Variants in AP1S1 observed in about 807,000 individuals in gnomAD.
The protein encoded by AP1S1 is AP-1 complex subunit sigma-1A.
A neutral mutation model predicts 23.9 loss-of-function variants in AP1S1; 13 were observed. That is an observed-to-expected ratio of 0.54 (90% CI 0.35 to 0.86). The LOEUF is 0.86. Ranked by LOEUF, AP1S1 falls within the 40% of genes least tolerant of loss-of-function variation. The probability of loss-of-function intolerance (pLI) is 0.01; values close to 1 mark genes in which losing one functional copy is unlikely to be tolerated. For missense variants in AP1S1, 119 were observed against 197.6 expected (o/e 0.60, Z 2.38); for synonymous variants, 84 against 77.7 (o/e 1.08, Z -0.43).
At chr7:101,157,591 G>A (rs1584204043) in intron 3 of AP1S1, 106 bp downstream of exon 3, 8 of 853,408 alleles carry the variant, frequency 9.4e-6, no homozygotes, top group South Asian at 1.4e-5. Flanking sequence ...CAGGGGAGAG[G>A]TGAAGTTGGA....
At chr7:101,157,528 C>T (rs1797012280) in intron 3 of AP1S1, 43 bp downstream of exon 3, 1 of 1,478,236 alleles carries the variant, frequency 6.8e-7, no homozygotes, top group African/African-American at 1.4e-5. Flanking sequence ...CAGCAATCCC[C>T]TTTGGTAATC....
chr7:101,159,351 C>G (rs1489894647), intron 4 of AP1S1, 155 bp downstream of exon 4: 7 of 1,120,598 alleles, frequency 6.2e-6, no homozygotes, highest in Non-Finnish European at 8.7e-6. Flanking sequence ...CTCCAGCTTA[C>G]TCTCAAGCCC....
Position 101,160,707 on chromosome 7 carries a change from T to C in AP1S1, c.*141T>C, listed in dbSNP as rs765706604. On this transcript the variant is annotated 3_prime_UTR_variant, in exon 5 of 5. Coordinates refer to ENST00000337619, the MANE Select transcript of AP1S1 (RefSeq NM_001283.5). ...TCACCTTTCGGAGTGAGCTGTGGGC[T>C]CAGGCCCTTCAAACATTCCCTCCCT... 2.0e-6 allele frequency: 2 copies of C among 985,750 alleles called. No individual in the cohort carries two copies. The highest frequency in any genetic ancestry group is 3.1e-6 in the Non-Finnish European group (2 of 637,526). The allele number at this position is 985,750 out of a possible 1,614,324, so 61.1% of individuals were successfully genotyped here. A position where few individuals can be genotyped will look rare whatever the true frequency, so the allele number is the denominator to read the frequency against.
At chr7:101,158,269 TG>T (rs1326317202) in intron 3 of AP1S1, among the ~76,000 whole-genome samples, 1 of 152,230 alleles carries the variant, frequency 6.6e-6, no homozygotes, top group African/African-American at 2.4e-5. Context: ...TGTTATAAAG[TG>T]CTTTTGCGTC....
rs1425769028 is a variant in AP1S1 at position 101,161,197 on chromosome 7, TGGGAGGGGTG to T, written c.*640_*649del. ...CTCCAGTTCTGGGTGAGGCAGGAGCTGGGAGGGGTGGGGAGGGGGAGGGGGAAGTGTCTGC... is the reference window on the plus strand; with the variant it reads ...CTCCAGTTCTGGGTGAGGCAGGAGCTGGGAGGGGGAGGGGGAAGTGTCTGC... On this transcript the variant is annotated 3_prime_UTR_variant, in exon 5 of 5. Coordinates refer to ENST00000337619, the MANE Select transcript of AP1S1 (RefSeq NM_001283.5). 1.8e-5 allele frequency: 3 copies of T among 164,560 alleles called. No individual in the cohort carries two copies. Among genetic ancestry groups the T allele is most frequent in the Non-Finnish European group, 3.7e-5 (3 of 81,410 alleles). 10.2% of individuals were successfully genotyped at this position (164,560 alleles called of 1,614,324 possible).
chr7:101,159,899 G>C (rs950827107), intron 4 of AP1S1, among the ~76,000 whole-genome samples: 11 of 151,500 alleles, frequency 7.3e-5, no homozygotes, highest in African/African-American at 2.7e-4. Context: ...GCTCATCTTT[G>C]CAGTGGGAGA....
chr7:101,158,977 C>T, intron 3 of AP1S1, 82 bp from the exon 4 acceptor site: 1 of 1,559,596 alleles, frequency 6.4e-7, no homozygotes, highest in South Asian at 1.2e-5. Context: ...GGGCAGAACC[C>T]AAGGTGGGAG....
At chr7:101,157,628 T>C (rs1797014042) in intron 3 of AP1S1, 143 bp downstream of exon 3, 1 of 680,762 alleles carries the variant, frequency 1.5e-6, no homozygotes, top group Non-Finnish European at 2.6e-6. Context: ...TTAATTTCCC[T>C]TTTTAAGCTT....
At chr7:101,159,352 T>G in intron 4 of AP1S1, 156 bp downstream of exon 4, 1 of 1,117,986 alleles carries the variant, frequency 8.9e-7, no homozygotes, top group South Asian at 1.6e-5. Context: ...TCCAGCTTAC[T>G]CTCAAGCCCT....
At chr7:101,154,980 G>A (rs1405177691) in intron 1 of AP1S1, 1 of 1,015,234 alleles carries the variant, frequency 9.8e-7, no homozygotes, top group Non-Finnish European at 1.2e-6. Context: ...TCGGAAAAGG[G>A]AGCGCCCTAC....
At chr7:101,155,181 G>T (rs1352778518) in intron 1 of AP1S1, among the ~76,000 whole-genome samples, 3 of 151,208 alleles carry the variant, frequency 2.0e-5, no homozygotes. Context: ...TTTGAGCGCC[G>T]CACGAGGCTC....
chr7:101,154,989 A>G (rs930168430), intron 1 of AP1S1: 23 of 1,008,788 alleles, frequency 2.3e-5, no homozygotes, highest in Non-Finnish European at 2.6e-5. Flanking sequence ...GGAGCGCCCT[A>G]CTGCGTTCGT....
Position 101,159,223 on chromosome 7 carries a change from G to A in AP1S1, c.429+27G>A, listed in dbSNP as rs768603644. On this transcript the variant is annotated intron_variant, in intron 4 of 4. Transcript: ENST00000337619. ...TACGGGCCAGGGACAGTGAGGAGGA[G>A]GAGGAAGCGCACAGTGGCGGACAGG... is the stretch of plus-strand genomic sequence containing the variant. 11 of 1,595,340 alleles carry A rather than the reference G, an allele frequency of 6.9e-6. No homozygotes were observed. In the South Asian group the frequency reaches 9.0e-5, roughly 13 times the overall value.
At chr7:101,157,090 A>G (rs1245232856) in intron 2 of AP1S1, among the ~76,000 whole-genome samples, 1 of 151,972 alleles carries the variant, frequency 6.6e-6, no homozygotes, top group Non-Finnish European at 1.5e-5. Flanking sequence ...ACGCACACAC[A>G]CACCCTTTCC....
At position 101,154,664 on chromosome 7, in the gene AP1S1, G is replaced by C. The variant is rs1207772978; in HGVS notation, c.3+147G>C. 1.0e-4 allele frequency: 114 copies of C among 1,126,372 alleles called. 2 individuals carry two copies. The East Asian group carries it at 3.5e-3, about 35-fold the overall frequency. The allele number at this position is 1,126,372 out of a possible 1,614,324, so 69.8% of individuals were successfully genotyped here. On this transcript the variant is annotated intron_variant, in intron 1 of 4. Coordinates refer to ENST00000337619, the MANE Select transcript of AP1S1 (RefSeq NM_001283.5). ...CCTTGCCTCGGCGGGTGGGCGAGCC[G>C]GGCTCGGGAGGAAGAGGGGGAGGTG...
At chr7:101,154,579 TCCTCGGGGGC>T in intron 1 of AP1S1, 62 bp downstream of exon 1, 1 of 1,443,504 alleles carries the variant, frequency 6.9e-7, no homozygotes, top group Non-Finnish European at 9.4e-7. Flanking sequence ...CCTGCGGGGG[TCCTCGGGGGC>T]CGCCCTCGGG....
At chr7:101,159,376 G>A (rs1253115894) in intron 4 of AP1S1, 180 bp downstream of exon 4, 11 of 860,874 alleles carry the variant, frequency 1.3e-5, no homozygotes, top group African/African-American at 1.7e-5. Flanking sequence ...CCCATGGGGT[G>A]GGAGGTAGGG....
At chr7:101,158,892 G>C (rs545277283) in intron 3 of AP1S1, among the ~76,000 whole-genome samples, 167 bp from the exon 4 acceptor site, 28 of 152,278 alleles carry the variant, frequency 1.8e-4, no homozygotes, top group Admixed American at 3.3e-4. Flanking sequence ...GACAGAGCAA[G>C]AGACCCTGTC....
intron 3 of AP1S1, among the ~76,000 whole-genome samples, chr7:101,158,345 A>G (rs1041289062): frequency 1.3e-5 from 2 of 152,068 alleles, no homozygotes; most frequent in Non-Finnish European, 2.9e-5. Context: ...GAGGCCAGAA[A>G]ACTGAGACTT....
Sources: gnomAD v4.1 joint callset for allele counts (sites outside exome capture counted in the v4.1 genomes callset) on GRCh38, gnomAD v4.1.1 for gene constraint, MANE v1.5 for transcripts, NCBI Gene and HGNC (gene_info 2026-07-23, HGNC 2026-07-21) for gene names.